CTNNBL1: variants seen among roughly 807,000 people sequenced by gnomAD.
CTNNBL1 encodes beta-catenin-like protein 1.
Under a neutral mutation model 72.7 loss-of-function variants are expected in CTNNBL1, and 31 were observed. The ratio of observed to expected loss-of-function variants is 0.43; its 90% CI spans 0.32 to 0.58. CTNNBL1 has a LOEUF of 0.58. Among genes scored for constraint, CTNNBL1 ranks in the 20% least tolerant of loss-of-function variants. The pLI, the probability that CTNNBL1 is intolerant of heterozygous loss-of-function variation, is 0.08. For synonymous variants in CTNNBL1, 240 were observed against 267.3 expected, an observed-to-expected ratio of 0.90 and a Z score of 1.00; for missense variants, 534 against 725.1, an observed-to-expected ratio of 0.74 and a Z score of 3.03.
intron 15 of CTNNBL1, among the ~76,000 whole-genome samples, chr20:37,863,637 T>C (rs1325999772): frequency 6.6e-6 from 1 of 152,008 alleles, no homozygotes; most frequent in Non-Finnish European, 1.5e-5. Context: ...TGCAGGAGGC[T>C]GTAGTGTTGG....
intron 7 of CTNNBL1, among the ~76,000 whole-genome samples, chr20:37,770,308 G>A (rs1479548026): frequency 6.6e-6 from 1 of 152,112 alleles, no homozygotes; most frequent in African/African-American, 2.4e-5. Context: ...CCAAAGCCTT[G>A]AGACATTTTG....
intron 1 of CTNNBL1, among the ~76,000 whole-genome samples, chr20:37,712,433 G>A (rs1406701937): frequency 6.6e-6 from 1 of 152,200 alleles, no homozygotes; most frequent in Non-Finnish European, 1.5e-5. Context: ...ACTTTGCCCA[G>A]ATCTGCTATG....
intron 15 of CTNNBL1, 106 bp downstream of exon 15, chr20:37,860,450 C>A: frequency 1.1e-6 from 1 of 903,062 alleles, no homozygotes; most frequent in Non-Finnish European, 1.8e-6. Context: ...GTTTTCTGCA[C>A]TGAAAGCTTA....
At chr20:37,859,761 A>G in intron 13 of CTNNBL1, 138 bp from the exon 14 acceptor site, 1 of 815,010 alleles carries the variant, frequency 1.2e-6, no homozygotes, top group Middle Eastern at 2.6e-4. Context: ...AGATGTAGAC[A>G]AATCAAAAAG....
At chr20:37,775,943 AAATAT>A (rs1600480505) in intron 7 of CTNNBL1, among the ~76,000 whole-genome samples, 1 of 152,240 alleles carries the variant, frequency 6.6e-6, no homozygotes, top group African/African-American at 2.4e-5. Flanking sequence ...AAATCTTTTA[AAATAT>A]AATAGCAGTA....
intron 11 of CTNNBL1, among the ~76,000 whole-genome samples, chr20:37,814,793 A>G (rs913206016): frequency 3.9e-5 from 6 of 152,170 alleles, no homozygotes; most frequent in African/African-American, 1.4e-4. Flanking sequence ...GTTGAGAGCT[A>G]CTGGCCAGAA....
At chr20:37,695,267 G>T (rs1444598306) in intron 1 of CTNNBL1, among the ~76,000 whole-genome samples, 1 of 152,152 alleles carries the variant, frequency 6.6e-6, no homozygotes, top group Non-Finnish European at 1.5e-5. Context: ...GAGTGCAGTG[G>T]CACAATCATT....
At chr20:37,694,559 T>C (rs1390114263) in intron 1 of CTNNBL1, among the ~76,000 whole-genome samples, 2 of 152,228 alleles carry the variant, frequency 1.3e-5, no homozygotes, top group Non-Finnish European at 2.9e-5. Flanking sequence ...ATGTGGCTTT[T>C]GGACAAGTCA....
chr20:37,737,443 AAACC>A lies in CTNNBL1; in HGVS notation c.288_291del (p.Asn96LysfsTer21). 1 of 1,613,602 alleles carries A rather than the reference AAACC, an allele frequency of 6.2e-7. No individual in the cohort carries two copies. The highest frequency in any genetic ancestry group is 8.5e-7 in the Non-Finnish European group (1 of 1,179,674). ...TCACATTTGAAAAGAGATCATATAA[AAACC>A]AAGAATTGCGGATTAAGTTTCCAGA... On this transcript the variant is annotated frameshift_variant, in exon 3 of 16. Coordinates refer to ENST00000361383, the MANE Select transcript of CTNNBL1 (RefSeq NM_030877.5). LOFTEE classifies it high-confidence loss of function.
At position 37,850,129 on chromosome 20, in the gene CTNNBL1, G is replaced by A. The variant is rs143200865; in HGVS notation, c.1392+7710G>A. 1.8e-3 allele frequency among the ~76,000 whole-genome samples: 275 copies of A among 151,922 alleles called. 7 individuals are homozygous for A. In the East Asian group the frequency reaches 0.037, roughly 20 times the overall value. ...GTTTTCAGCCTTGTATTATTGCATC[G>A]CTATCACAGAAGTACTGATTCTCTC... On this transcript the variant is annotated intron_variant, in intron 13 of 15. Transcript: ENST00000361383.
At chr20:37,781,737 T>C (rs1475620817) in intron 10 of CTNNBL1, among the ~76,000 whole-genome samples, 2 of 152,178 alleles carry the variant, frequency 1.3e-5, no homozygotes, top group Non-Finnish European at 2.9e-5. Flanking sequence ...GCTCTTTGTC[T>C]AGAGAGAGCC....
chr20:37,761,749 T>A (rs1309951768), intron 5 of CTNNBL1, among the ~76,000 whole-genome samples: 1 of 152,132 alleles, frequency 6.6e-6, no homozygotes, highest in East Asian at 1.9e-4. Context: ...AGAATTAAAA[T>A]AGAGTGATGT....
intron 11 of CTNNBL1, among the ~76,000 whole-genome samples, chr20:37,816,699 G>C (rs1404098986): frequency 1.3e-5 from 2 of 151,448 alleles, no homozygotes; most frequent in Admixed American, 6.6e-5. Flanking sequence ...CTTGTCCCTG[G>C]CTCCAAAGCA....
intron 1 of CTNNBL1, among the ~76,000 whole-genome samples, chr20:37,714,023 A>G (rs77960586): frequency 0.016 from 2,486 of 152,156 alleles, 63 homozygotes; most frequent in African/African-American, 0.058. Flanking sequence ...CAGTAAGTAG[A>G]TGGTGGAATC....
intron 13 of CTNNBL1, among the ~76,000 whole-genome samples, chr20:37,852,600 G>C (rs1273132099): frequency 6.6e-6 from 1 of 152,158 alleles, no homozygotes; most frequent in East Asian, 1.9e-4. Flanking sequence ...GGCTAGACAT[G>C]CCACAGATTA....
intron 1 of CTNNBL1, among the ~76,000 whole-genome samples, chr20:37,701,611 TAGCCTTGATG>T (rs2122541846): frequency 6.6e-6 from 1 of 152,330 alleles, no homozygotes; most frequent in African/African-American, 2.4e-5. Context: ...ACTGGAATCC[TAGCCTTGATG>T]AATGGGTAGG....
rs143904374 is a variant in CTNNBL1, at chr20:37,719,037, T to C, written c.31-13842T>C. 8.3e-3 allele frequency among the ~76,000 whole-genome samples: 1,264 copies of C among 152,346 alleles called. 59 individuals carry two copies. Among genetic ancestry groups the C allele is most frequent in the Admixed American group, 0.075 (1,144 of 15,302 alleles). On this transcript the variant is annotated intron_variant, in intron 1 of 15. Transcript: ENST00000361383. ...TACAGGGTTAGACTAGTATTCTTTGTCTGAATCTGAGTTTTACTATACTTA... is the reference window on the plus strand; with the variant it reads ...TACAGGGTTAGACTAGTATTCTTTGCCTGAATCTGAGTTTTACTATACTTA...
At chr20:37,727,461 A>G in intron 1 of CTNNBL1, 1 of 493,550 alleles carries the variant, frequency 2.0e-6, no homozygotes, top group Non-Finnish European at 2.6e-6. Context: ...ATGGTGGGAA[A>G]TGCTTAGCTT....
chr20:37,856,115 T>C (rs999167837), intron 13 of CTNNBL1, among the ~76,000 whole-genome samples: 6 of 150,242 alleles, frequency 4.0e-5, no homozygotes, highest in Non-Finnish European at 5.9e-5. Context: ...CAGGCACCTG[T>C]AATCTCAGCT....
Sources: gnomAD v4.1 joint callset for allele counts (sites outside exome capture counted in the v4.1 genomes callset) on GRCh38, gnomAD v4.1.1 for gene constraint, MANE v1.5 for transcripts, NCBI Gene and HGNC (gene_info 2026-07-23, HGNC 2026-07-21) for gene names.